Variants in NUBPL observed in about 807,000 individuals in gnomAD.
The protein encoded by NUBPL is NUBP iron-sulfur cluster assembly factor, mitochondrial, also known as iron-sulfur cluster transfer protein NUBPL.
A neutral mutation model predicts 45.7 loss-of-function variants in NUBPL; 31 were observed. That is an observed-to-expected ratio of 0.68 (90% CI 0.51 to 0.92). NUBPL has a LOEUF of 0.92. Among genes scored for constraint, NUBPL ranks in the 40% least tolerant of loss-of-function variants. NUBPL has a pLI of 0.00. For synonymous variants in NUBPL, 144 were observed against 140.9 expected (o/e 1.02, Z -0.15); for missense variants, 401 against 398.7 (o/e 1.01, Z -0.05).
intron 3 of NUBPL, among the ~76,000 whole-genome samples, chr14:31,594,442 T>A (rs1238256328): frequency 1.3e-5 from 2 of 152,220 alleles, no homozygotes; most frequent in Non-Finnish European, 2.9e-5. Flanking sequence ...CTGCCATTTA[T>A]CTTGCATTTC....
intron 3 of NUBPL, among the ~76,000 whole-genome samples, chr14:31,578,952 A>T (rs1001890575): frequency 3.3e-5 from 5 of 152,232 alleles, no homozygotes; most frequent in Admixed American, 2.0e-4. Flanking sequence ...ATAACTGACG[A>T]GTTAGATTAC....
At chr14:31,798,384 T>C (rs1393256230) in intron 7 of NUBPL, among the ~76,000 whole-genome samples, 1 of 150,944 alleles carries the variant, frequency 6.6e-6, no homozygotes, top group African/African-American at 2.4e-5. Context: ...TTTGTTTTAG[T>C]GTGTGGGATA....
At chr14:31,635,656 A>G (rs1340966055) in intron 4 of NUBPL, among the ~76,000 whole-genome samples, 2 of 151,926 alleles carry the variant, frequency 1.3e-5, no homozygotes, top group African/African-American at 4.8e-5. Context: ...TGGGGATGGC[A>G]TTGAATCTAT....
intron 3 of NUBPL, among the ~76,000 whole-genome samples, chr14:31,589,817 C>T (rs2034097448): frequency 6.6e-6 from 1 of 152,148 alleles, no homozygotes; most frequent in African/African-American, 2.4e-5. Context: ...CCATTAGAAG[C>T]AGTAGCAATA....
intron 4 of NUBPL, among the ~76,000 whole-genome samples, chr14:31,633,503 T>C (rs1347175737): frequency 6.6e-6 from 1 of 152,182 alleles, no homozygotes; most frequent in East Asian, 1.9e-4. Context: ...ATGATTGAGA[T>C]TCAGTCACGC....
At chr14:31,681,600 A>G (rs2036835851) in intron 6 of NUBPL, among the ~76,000 whole-genome samples, 1 of 151,668 alleles carries the variant, frequency 6.6e-6, no homozygotes, top group South Asian at 2.1e-4. Flanking sequence ...TCAGGCTAAT[A>G]TACCCTTCTT....
At chr14:31,606,281 G>A (rs1364217792) in intron 4 of NUBPL, among the ~76,000 whole-genome samples, 1 of 151,362 alleles carries the variant, frequency 6.6e-6, no homozygotes, top group African/African-American at 2.4e-5. Context: ...TTGTAGAGCT[G>A]GGGTCTCACT....
chr14:31,665,480 AC>A (rs2036385491), intron 4 of NUBPL, among the ~76,000 whole-genome samples: 1 of 152,166 alleles, frequency 6.6e-6, no homozygotes, highest in African/African-American at 2.4e-5. Context: ...TTCATTATTT[AC>A]CCAGTAGTAG....
intron 6 of NUBPL, among the ~76,000 whole-genome samples, chr14:31,703,735 A>G (rs976473319): frequency 6.6e-6 from 1 of 152,236 alleles, no homozygotes; most frequent in African/African-American, 2.4e-5. Flanking sequence ...TATGGGAGCT[A>G]CAAGATGAGA....
intron 7 of NUBPL, among the ~76,000 whole-genome samples, chr14:31,811,935 G>C (rs2039813764): frequency 6.6e-6 from 1 of 152,124 alleles, no homozygotes; most frequent in Admixed American, 6.6e-5. Flanking sequence ...TGTTTTCCTG[G>C]GTTTCACCAG....
intron 7 of NUBPL, among the ~76,000 whole-genome samples, chr14:31,809,388 T>C (rs1303789900): frequency 6.6e-6 from 1 of 152,232 alleles, no homozygotes; most frequent in African/African-American, 2.4e-5. Context: ...TTCTAGACTT[T>C]CTAGTTTATT....
At chr14:31,858,072 G>A (rs1483947714) in intron 10 of NUBPL, among the ~76,000 whole-genome samples, 2 of 152,210 alleles carry the variant, frequency 1.3e-5, no homozygotes, top group Non-Finnish European at 2.9e-5. Context: ...ATCTGGCTAG[G>A]AAGGCATCAC....
In NUBPL at chr14:31,648,186, A is replaced by G. The variant is rs1012093546; in HGVS notation, c.383-25169A>G. Among the ~76,000 whole-genome samples, 18 of 152,378 alleles carry G rather than the reference A, an allele frequency of 1.2e-4. No individual in the cohort carries two copies. The East Asian group carries it at 2.1e-3, about 18-fold the overall frequency. On this transcript the variant is annotated intron_variant, in intron 4 of 10. Transcript: ENST00000281081. ...GGCAGAGTCCAATCAGTCAGTAAAA[A>G]GATTTAGTGGAATCTGACTATGGTG...
intron 4 of NUBPL, among the ~76,000 whole-genome samples, chr14:31,651,017 C>T (rs531220279): frequency 1.8e-3 from 267 of 152,332 alleles, no homozygotes; most frequent in Middle Eastern, 0.014. Context: ...AGGGATCTGT[C>T]GCACAACCCA....
At chr14:31,602,742 G>A (rs1175778119) in intron 4 of NUBPL, among the ~76,000 whole-genome samples, 1 of 151,936 alleles carries the variant, frequency 6.6e-6, no homozygotes, top group Non-Finnish European at 1.5e-5. Context: ...CCTCATTATT[G>A]TCTCTTTATA....
At chr14:31,574,640 GA>G (rs1164495161) in intron 3 of NUBPL, among the ~76,000 whole-genome samples, 2 of 140,152 alleles carry the variant, frequency 1.4e-5, no homozygotes, top group African/African-American at 2.7e-5. Context: ...GCCCAGGCTG[GA>G]GTGCAGTGGC....
At chr14:31,612,403 G>A (rs1008394229) in intron 4 of NUBPL, among the ~76,000 whole-genome samples, 1 of 152,186 alleles carries the variant, frequency 6.6e-6, no homozygotes, top group Non-Finnish European at 1.5e-5. Context: ...AGTGGCTCAC[G>A]CCTGTAATCC....
intron 7 of NUBPL, among the ~76,000 whole-genome samples, chr14:31,812,235 C>A (rs184775091): frequency 6.6e-6 from 1 of 152,284 alleles, no homozygotes; most frequent in African/African-American, 2.4e-5. Flanking sequence ...TCAGCTATGC[C>A]CTGCCTCTAG....
At chr14:31,605,448 A>T (rs1435663862) in intron 4 of NUBPL, among the ~76,000 whole-genome samples, 2 of 152,214 alleles carry the variant, frequency 1.3e-5, no homozygotes, top group Admixed American at 6.5e-5. Context: ...TATGTCAAGT[A>T]TTTTATTGAG....
Sources: allele counts gnomAD v4.1 joint callset (sites outside exome capture counted in the v4.1 genomes callset), GRCh38; gene constraint gnomAD v4.1.1; transcripts MANE v1.5; gene names NCBI Gene and HGNC (gene_info 2026-07-23, HGNC 2026-07-21).